The following HUWE1 variants were observed in gnomAD, a reference collection of about 807,000 sequenced individuals.
The protein encoded by HUWE1 is E3 ubiquitin-protein ligase HUWE1.
In HUWE1, 18 loss-of-function variants were observed where a neutral mutation model predicts 299.4. The ratio of observed to expected loss-of-function variants is 0.06; its 90% CI spans 0.04 to 0.09. The LOEUF is 0.09. HUWE1 is among the 10% of genes least tolerant of loss of function. The pLI is 1.00. For synonymous variants in HUWE1, 1,317 were observed against 1,286.1 expected (o/e 1.02, Z -0.51); for missense variants, 1,832 against 3,462.3 (o/e 0.53, Z 11.82).
intron 7 of HUWE1, among the ~76,000 whole-genome samples, chrX:53,638,823 A>G (rs782804217): frequency 3.6e-5 from 4 of 112,082 alleles, no homozygotes; most frequent in Non-Finnish European, 7.5e-5. Context: ...CACAAAAGCC[A>G]GCCAACTGGC....
At chrX:53,538,600 G>A (rs1556915231) in intron 76 of HUWE1, 146 bp from the exon 77 acceptor site, 1 of 549,528 alleles carries the variant, frequency 1.8e-6, no homozygotes, top group African/African-American at 2.3e-5. Context: ...GCCAGCCCTT[G>A]AGGTGTGAAC....
Position 53,547,835 on chromosome X carries a change from T to G in HUWE1, c.10474A>C (p.Thr3492Pro). The change falls in exon 68 of 84, where the codon ACC becomes CCC. Residue 3492 changes from threonine to proline, a missense_variant. Physicochemically the swap from Thr to Pro is conservative, Grantham distance 38. Coordinates refer to ENST00000262854, the MANE Select transcript of HUWE1 (RefSeq NM_031407.7). Reference sequence around the variant, plus strand: ...GTGGAGGCGGCAGTGGTGGTGGTGGTAGATGTGGTTGAGGTGGCAGTGGTG... The same window carrying G: ...GTGGAGGCGGCAGTGGTGGTGGTGGGAGATGTGGTTGAGGTGGCAGTGGTG... ...STTTATSTTS[T>P]TTTTAASTTP... 1 of 1,197,351 alleles carries G rather than the reference T, an allele frequency of 8.4e-7. No homozygotes were observed. Among genetic ancestry groups the G allele is most frequent in the South Asian group, 1.8e-5 (1 of 55,394 alleles).
chrX:53,663,348 A>G (rs1443935052), intron 3 of HUWE1, among the ~76,000 whole-genome samples: 2 of 112,120 alleles, frequency 1.8e-5, no homozygotes, highest in African/African-American at 6.5e-5. Context: ...CCCCGTCTCT[A>G]CTAAATACAA....
At chrX:53,684,034 A>C (rs1557054677) in intron 2 of HUWE1, 1 of 280,446 alleles carries the variant, frequency 3.6e-6, no homozygotes, top group Non-Finnish European at 6.3e-6. Context: ...GAGAACCTCT[A>C]CCGGACGGGA....
At chrX:53,569,289 C>A (rs782447879) in intron 48 of HUWE1, among the ~76,000 whole-genome samples, 9 of 112,671 alleles carry the variant, frequency 8.0e-5, no homozygotes, top group Non-Finnish European at 1.5e-4. Flanking sequence ...CCTCCCAAAG[C>A]GCTGGGATTA....
chrX:53,565,946 A>C (rs1272718155), intron 49 of HUWE1, among the ~76,000 whole-genome samples: 1 of 108,022 alleles, frequency 9.3e-6, no homozygotes, highest in Non-Finnish European at 1.9e-5. Flanking sequence ...GGCTTCCTAG[A>C]GTTCAATAAA....
At position 53,647,521 on chromosome X, in the gene HUWE1, T is replaced by C. The variant is rs1557036934; in HGVS notation, c.198A>G (p.Ala66=). The part of the protein sequence containing the change: ...DLLDRFDGIL[A]DAGQTVENMS... The stretch of plus-strand genomic sequence containing the variant: ...TATTCTCCACTGTCTGTCCAGCATC[T>C]GCCAGTATTCCATCGAAGCGGTCCA... The change falls in exon 6 of 84, where the codon GCA becomes GCG. Residue 66 remains alanine, a synonymous_variant. Transcript: ENST00000262854. The C allele has an allele frequency of 1.7e-6, 2 of 1,209,845 alleles. No homozygotes were observed. The highest frequency in any genetic ancestry group is 2.2e-5 in the Admixed American group (1 of 46,018).
Position 53,568,812 on chromosome X carries a change from A to C in HUWE1, c.6587T>G (p.Phe2196Cys). The C allele has an allele frequency of 8.3e-7, 1 of 1,209,584 alleles. No individual in the cohort carries two copies. The highest frequency in any genetic ancestry group is 1.1e-6 in the Non-Finnish European group (1 of 894,232). The stretch of plus-strand genomic sequence containing the variant: ...GGTCTTCGCTGTGGCACTGCTGTAG[A>C]AGCTGGAGGTGGAGGGGCAGGACTC... ...IMESCPSTSS[F>C]YSSATAKTQH... The change falls in exon 49 of 84, where the codon TTC becomes TGC. Residue 2196 changes from phenylalanine (F) to cysteine (C), a missense_variant. Physicochemically the swap from Phe to Cys is radical, Grantham distance 205. Transcript: ENST00000262854.
At chrX:53,586,939 A>C (rs1556973876) in intron 37 of HUWE1, 30 bp from the exon 38 acceptor site, 9 of 1,201,729 alleles carry the variant, frequency 7.5e-6, no homozygotes, top group African/African-American at 1.8e-5. Context: ...AAACAACAAC[A>C]ACCAGATACC....
In HUWE1 at chrX:53,591,691, G is replaced by A. The variant is rs148314765; in HGVS notation, c.3973-569C>T. On this transcript the variant is annotated intron_variant, in intron 33 of 83. Transcript: ENST00000262854. ...ATATGTATTATTTGATGTTAACGAC[G>A]TAAAAATTAGGCACAAGACTGACTG... Among the ~76,000 whole-genome samples the A allele has an allele frequency of 3.6e-4, 40 of 112,549 alleles. No homozygotes were observed. In the East Asian group the frequency reaches 0.011, roughly 30 times the overall value.
At chrX:53,554,973 G>C in intron 60 of HUWE1, 53 bp from the exon 61 acceptor site, 1 of 973,435 alleles carries the variant, frequency 1.0e-6, no homozygotes, top group South Asian at 2.5e-5. Flanking sequence ...CCAATGATGA[G>C]GGGAGCCACC....
intron 58 of HUWE1, 57 bp downstream of exon 58, chrX:53,558,914 C>T (rs894787196): frequency 1.3e-5 from 15 of 1,172,101 alleles, no homozygotes; most frequent in African/African-American, 1.2e-4. Context: ...ACTCTCCACA[C>T]GTTTGCCCTA....
intron 17 of HUWE1, among the ~76,000 whole-genome samples, chrX:53,626,915 G>A (rs1436773429): frequency 4.5e-5 from 5 of 111,205 alleles, no homozygotes; most frequent in African/African-American, 1.6e-4. Context: ...TGATGTGCCA[G>A]CCTAACGGAT....
chrX:53,533,363 G>A lies in HUWE1; in HGVS notation c.13071C>T (p.Arg4357=), dbSNP rs782160667. Residue 4357 remains arginine, a synonymous_variant, in exon 84 of 84, where the codon CGC becomes CGT. Transcript: ENST00000262854. ...CCTGGATAGCCAACAGTAGCATGTG[G>A]CGGAGCTTCTCAAAGCTCTCATAGG... ...LPAYESFEKL[R]HMLLLAIQEC... The A allele has an allele frequency of 2.5e-6, 3 of 1,208,654 alleles. No individual in the cohort carries two copies. Among genetic ancestry groups the A allele is most frequent in the South Asian group, 3.5e-5 (2 of 56,420 alleles).
At position 53,586,925 on chromosome X, in the gene HUWE1, G is replaced by A; in HGVS notation, c.4615-16C>T. On this transcript the variant is annotated splice_polypyrimidine_tract_variant and intron_variant, in intron 37 of 83. Coordinates refer to ENST00000262854, the MANE Select transcript of HUWE1 (RefSeq NM_031407.7). ...GCTTCAACTCCTGATAGATCAAAGG[G>A]AAAAAACAACAACAACCAGATACCA... The A allele has an allele frequency of 2.5e-6, 3 of 1,209,550 alleles. No individual in the cohort carries two copies. The highest frequency in any genetic ancestry group is 2.3e-4 in the Middle Eastern group (1 of 4,351).
At chrX:53,587,218 G>A (rs2063901326) in intron 37 of HUWE1, among the ~76,000 whole-genome samples, 1 of 112,184 alleles carries the variant, frequency 8.9e-6, no homozygotes, top group Admixed American at 9.4e-5. Context: ...ATATGGAAAT[G>A]GTTTATCACC....
chrX:53,575,411 G>A (rs2063052823), intron 45 of HUWE1, among the ~76,000 whole-genome samples, 190 bp from the exon 46 acceptor site: 1 of 111,168 alleles, frequency 9.0e-6, no homozygotes, highest in Non-Finnish European at 1.9e-5. Flanking sequence ...GAGACTGTGG[G>A]GGAGGCGGGG....
intron 19 of HUWE1, 63 bp from the exon 20 acceptor site, chrX:53,617,509 A>C: frequency 1.5e-6 from 1 of 684,500 alleles, no homozygotes; most frequent in Non-Finnish European, 2.3e-6. Flanking sequence ...AAAACAAAAC[A>C]CCAAAAGCTT....
intron 43 of HUWE1, among the ~76,000 whole-genome samples, chrX:53,578,545 C>T (rs1338430076): frequency 1.0e-5 from 1 of 98,018 alleles, no homozygotes; most frequent in Non-Finnish European, 2.1e-5. Flanking sequence ...GGGTCAGCCC[C>T]CCGCCCGGCC....
Sources: gnomAD v4.1 joint callset for allele counts (sites outside exome capture counted in the v4.1 genomes callset) on GRCh38, gnomAD v4.1.1 for gene constraint, MANE v1.5 for transcripts, NCBI Gene and HGNC (gene_info 2026-07-23, HGNC 2026-07-21) for gene names.